Variants in SULF1 observed in about 807,000 individuals in gnomAD.
SULF1 encodes extracellular sulfatase Sulf-1.
A neutral mutation model predicts 110.5 loss-of-function variants in SULF1; 46 were observed. The observed-to-expected ratio is 0.42, with a 90% CI of 0.33 to 0.53. The LOEUF (loss-of-function observed/expected upper bound fraction) is 0.53, where lower values mean the gene tolerates loss of function less well. SULF1 is among the 20% of genes least tolerant of loss of function. The probability of loss-of-function intolerance (pLI) is 0.12; values close to 1 mark genes in which losing one functional copy is unlikely to be tolerated. For missense variants in SULF1, 941 were observed against 1,094.2 expected, an observed-to-expected ratio of 0.86 and a Z score of 1.98; for synonymous variants, 371 against 387.1, an observed-to-expected ratio of 0.96 and a Z score of 0.49.
chr8:69,600,790 C>A, intron 9 of SULF1, 37 bp downstream of exon 9: 2 of 1,597,442 alleles, frequency 1.3e-6, no homozygotes, highest in South Asian at 1.1e-5. Context: ...TAGTTTTTGG[C>A]CCAGCTTCCT....
chr8:69,563,964 G>A lies in SULF1; in HGVS notation c.-12G>A, dbSNP rs768588014. On this transcript the variant is annotated 5_prime_UTR_variant, in exon 5 of 23. Coordinates refer to ENST00000402687, the MANE Select transcript of SULF1 (RefSeq NM_001128205.2). ...GACATTTTGTCAGTTTTGCAACATT[G>A]GACCAAATACAATGAAGTATTCTTG... is the stretch of plus-strand genomic sequence containing the variant. The A allele has an allele frequency of 1.2e-6, 2 of 1,612,570 alleles. No homozygotes were observed. The highest frequency in any genetic ancestry group is 1.7e-6 in the Non-Finnish European group (2 of 1,178,750).
At chr8:69,638,037 G>A (rs770069249) in intron 19 of SULF1, 2 of 171,074 alleles carry the variant, frequency 1.2e-5, no homozygotes, top group African/African-American at 2.4e-5. Context: ...ACCCTTCTTT[G>A]TTGCAAAATC....
chr8:69,544,317 G>A (rs1430817937), intron 3 of SULF1, among the ~76,000 whole-genome samples: 1 of 151,492 alleles, frequency 6.6e-6, no homozygotes, highest in Non-Finnish European at 1.5e-5. Flanking sequence ...CACCCAGGTT[G>A]GAGTACAGTG....
chr8:69,532,986 G>A (rs1813196384), intron 3 of SULF1, among the ~76,000 whole-genome samples: 1 of 152,178 alleles, frequency 6.6e-6, no homozygotes, highest in African/African-American at 2.4e-5. Flanking sequence ...TGACTAATCT[G>A]GATGTACTAA....
intron 22 of SULF1, among the ~76,000 whole-genome samples, chr8:69,650,234 A>C (rs970648772): frequency 1.3e-5 from 2 of 151,746 alleles, no homozygotes; most frequent in Non-Finnish European, 2.9e-5. Context: ...TCCTAGGCTC[A>C]AGCGATTCTC....
intron 3 of SULF1, among the ~76,000 whole-genome samples, chr8:69,554,660 T>TAA (rs34899318): frequency 0.2 from 29,748 of 149,394 alleles, 3,082 homozygotes; most frequent in African/African-American, 0.26. Flanking sequence ...TTAGCCTTTC[T>TAA]AAAAAAAAAG....
chr8:69,560,053 A>T (rs1179972471), intron 3 of SULF1, among the ~76,000 whole-genome samples: 2 of 152,212 alleles, frequency 1.3e-5, no homozygotes, highest in Non-Finnish European at 2.9e-5. Context: ...TTATCAAAAT[A>T]GTTCTGACCT....
chr8:69,491,095 G>A (rs1447977948), upstream of SULF1, among the ~76,000 whole-genome samples: 2 of 152,186 alleles, frequency 1.3e-5, no homozygotes, highest in African/African-American at 4.8e-5. Flanking sequence ...ATCTGTATGC[G>A]TGGAGAGCAT....
intron 8 of SULF1, among the ~76,000 whole-genome samples, chr8:69,593,486 T>C (rs1305716110): frequency 6.6e-6 from 1 of 152,196 alleles, no homozygotes; most frequent in African/African-American, 2.4e-5. Context: ...TCTGGATCAC[T>C]TTCATCTGGC....
intron 1 of SULF1, among the ~76,000 whole-genome samples, chr8:69,483,988 T>A (rs887229106): frequency 6.6e-6 from 1 of 152,202 alleles, no homozygotes; most frequent in African/African-American, 2.4e-5. Context: ...AGAATTATCT[T>A]GGTCCCAGTC....
intron 15 of SULF1, among the ~76,000 whole-genome samples, chr8:69,625,465 C>A (rs1809930319): frequency 6.6e-6 from 1 of 152,210 alleles, no homozygotes; most frequent in Non-Finnish European, 1.5e-5. Context: ...AGTGTTACAG[C>A]TCTTAAGGTG....
At chr8:69,618,637 G>A (rs190350287) in intron 13 of SULF1, among the ~76,000 whole-genome samples, 2 of 152,198 alleles carry the variant, frequency 1.3e-5, no homozygotes, top group Admixed American at 6.5e-5. Flanking sequence ...GATGCTAAAC[G>A]TTCAAGACAT....
At chr8:69,601,417 AAAC>A in intron 9 of SULF1, among the ~76,000 whole-genome samples, 1 of 152,336 alleles carries the variant, frequency 6.6e-6, no homozygotes, top group East Asian at 1.9e-4. Flanking sequence ...CCAAACAAGC[AAAC>A]AAAAAGCCTA....
intron 22 of SULF1, among the ~76,000 whole-genome samples, chr8:69,648,325 A>G (rs1272132239): frequency 6.6e-6 from 1 of 152,220 alleles, no homozygotes; most frequent in Non-Finnish European, 1.5e-5. Flanking sequence ...GCAACAAGCA[A>G]CAAACTACAT....
intron 3 of SULF1, among the ~76,000 whole-genome samples, chr8:69,528,666 C>T (rs117078117): frequency 0.024 from 3,654 of 152,234 alleles, 61 homozygotes; most frequent in Non-Finnish European, 0.035. Flanking sequence ...GATAGGGCAT[C>T]ATTTAGCTTG....
At chr8:69,628,329 A>G in intron 18 of SULF1, 93 bp downstream of exon 18, 1 of 1,067,424 alleles carries the variant, frequency 9.4e-7, no homozygotes, top group Non-Finnish European at 1.4e-6. Context: ...TGTTTCCTGC[A>G]GTGCCGCTTC....
intron 1 of SULF1, among the ~76,000 whole-genome samples, chr8:69,486,590 C>A (rs765444279): frequency 1.2e-4 from 19 of 152,144 alleles, no homozygotes; most frequent in Non-Finnish European, 2.8e-4. Context: ...TGCTGTGAAG[C>A]TGGCGAGGAA....
Position 69,574,224 on chromosome 8 carries a change from G to A in SULF1, c.173-1746G>A, listed in dbSNP as rs757561994. On this transcript the variant is annotated intron_variant, in intron 5 of 22. Coordinates refer to ENST00000402687, the MANE Select transcript of SULF1 (RefSeq NM_001128205.2). ...TGTTTTTTTTATTCTATCACATCCA[G>A]TATCTCTGCCCAGCCTTCAAGCTAT... 2.0e-5 allele frequency among the ~76,000 whole-genome samples: 3 copies of A among 152,018 alleles called. No individual in the cohort carries two copies. The East Asian group carries it at 5.8e-4, about 29-fold the overall frequency.
chr8:69,492,651 C>A (rs891851462), upstream of SULF1: 5 of 152,280 alleles, frequency 3.3e-5, no homozygotes, highest in African/African-American at 1.2e-4. Flanking sequence ...GGTTTGCATG[C>A]ACATATTCAG....
Sources: gnomAD v4.1 joint callset for allele counts (sites outside exome capture counted in the v4.1 genomes callset) on GRCh38, gnomAD v4.1.1 for gene constraint, MANE v1.5 for transcripts, NCBI Gene and HGNC (gene_info 2026-07-23, HGNC 2026-07-21) for gene names.